Variants in SYN3 observed in about 807,000 individuals in gnomAD.
The protein encoded by SYN3 is synapsin III.
In SYN3, 35 loss-of-function variants were observed where a neutral mutation model predicts 65.8. The observed-to-expected ratio is 0.53, with a 90% CI of 0.41 to 0.70. The LOEUF (loss-of-function observed/expected upper bound fraction) is 0.70. Among genes scored for constraint, SYN3 ranks in the 30% least tolerant of loss-of-function variants. The probability of loss-of-function intolerance (pLI) is 0.00; values close to 1 mark genes in which losing one functional copy is unlikely to be tolerated. For synonymous variants in SYN3, 270 were observed against 292.9 expected (o/e 0.92, Z 0.80); for missense variants, 680 against 749.0 (o/e 0.91, Z 1.08).
chr22:32,856,988 T>C (rs1182368595), intron 6 of SYN3, among the ~76,000 whole-genome samples: 2 of 152,194 alleles, frequency 1.3e-5, no homozygotes, highest in Non-Finnish European at 2.9e-5. Flanking sequence ...AATGACAAGA[T>C]TTCATTCTTT....
intron 7 of SYN3, among the ~76,000 whole-genome samples, chr22:32,550,909 C>G (rs1025325320): frequency 6.6e-6 from 1 of 152,132 alleles, no homozygotes; most frequent in African/African-American, 2.4e-5. Flanking sequence ...CTCAAAAGGG[C>G]TCCCATTAGC....
intron 6 of SYN3, among the ~76,000 whole-genome samples, chr22:32,622,009 C>T (rs986454619): frequency 2.0e-5 from 3 of 151,894 alleles, no homozygotes; most frequent in Non-Finnish European, 4.4e-5. Context: ...CTGGGCACCT[C>T]ATTTCCTCCC....
At chr22:32,872,406 A>G (rs2146365114) in intron 4 of SYN3, among the ~76,000 whole-genome samples, 1 of 152,330 alleles carries the variant, frequency 6.6e-6, no homozygotes, top group African/African-American at 2.4e-5. Context: ...GCCAGGAGAC[A>G]GCAAGTAGCC....
chr22:32,716,005 G>C (rs1238498486), intron 6 of SYN3, among the ~76,000 whole-genome samples: 1 of 152,152 alleles, frequency 6.6e-6, no homozygotes, highest in East Asian at 1.9e-4. Context: ...GTGGCTGTCA[G>C]CTGAGCCTTA....
chr22:32,600,557 G>A (rs1463125012), intron 6 of SYN3, among the ~76,000 whole-genome samples: 1 of 152,224 alleles, frequency 6.6e-6, no homozygotes, highest in Admixed American at 6.5e-5. Flanking sequence ...TGGATGGATA[G>A]AAGGCACAGA....
intron 6 of SYN3, among the ~76,000 whole-genome samples, chr22:32,616,142 A>G (rs2146717048): frequency 6.6e-6 from 1 of 152,350 alleles, no homozygotes; most frequent in Admixed American, 6.5e-5. Context: ...GTTTCCGTGT[A>G]GAAGCCCCCA....
chr22:33,023,980 GC>G (rs2053600124), intron 1 of SYN3, among the ~76,000 whole-genome samples: 1 of 152,090 alleles, frequency 6.6e-6, no homozygotes, highest in Non-Finnish European at 1.5e-5. Flanking sequence ...TAGAACGCTG[GC>G]CTCTCTGGGC....
chr22:32,960,553 G>T (rs2051615846), intron 3 of SYN3, among the ~76,000 whole-genome samples: 1 of 152,190 alleles, frequency 6.6e-6, no homozygotes, highest in African/African-American at 2.4e-5. Context: ...GACTGTGAGT[G>T]TAAGAGCTCC....
intron 3 of SYN3, among the ~76,000 whole-genome samples, chr22:32,937,938 G>C (rs368403730): frequency 6.6e-6 from 1 of 152,264 alleles, no homozygotes; most frequent in South Asian, 2.1e-4. Flanking sequence ...CTCAGTAAGA[G>C]AAGAGGTAGG....
intron 2 of SYN3, among the ~76,000 whole-genome samples, chr22:32,988,346 T>A (rs934056729): frequency 3.7e-5 from 5 of 136,070 alleles, no homozygotes; most frequent in South Asian, 2.3e-4. Context: ...ATAATAATAA[T>A]AAAATAAATA....
chr22:32,544,281 G>A (rs2058304353), intron 7 of SYN3, among the ~76,000 whole-genome samples: 1 of 152,120 alleles, frequency 6.6e-6, no homozygotes, highest in South Asian at 2.1e-4. Context: ...TGACATTTCT[G>A]CTCATTATTT....
At chr22:32,784,799 A>G (rs1419760862) in intron 6 of SYN3, 1 of 152,244 alleles carries the variant, frequency 6.6e-6, no homozygotes, top group Non-Finnish European at 1.5e-5. Flanking sequence ...AGCAGGCATT[A>G]TTTGCACACT....
In SYN3 at chr22:32,837,994, T is replaced by C. The variant is rs2047783727; in HGVS notation, c.711+26921A>G. On this transcript the variant is annotated intron_variant, in intron 6 of 13. Transcript: ENST00000358763. This position sits in a 1 kb window ranked among gnomAD's most constrained non-coding sequence, Gnocchi z 4.1. ...TCTCTAGTGATTCTCTGATCCCAGC[T>C]CAGGCAGGATGTCTCCCTCCGGCGC... Among the ~76,000 whole-genome samples the C allele has an allele frequency of 6.6e-6, 1 of 152,188 alleles. No homozygotes were observed. Among genetic ancestry groups the C allele is most frequent in the South Asian group, 2.1e-4 (1 of 4,830 alleles).
intron 12 of SYN3, among the ~76,000 whole-genome samples, chr22:32,523,647 A>ACTGGTC (rs1167686417): frequency 2.6e-5 from 4 of 152,198 alleles, no homozygotes; most frequent in Non-Finnish European, 4.4e-5. Context: ...CCTAGACACA[A>ACTGGTC]CAATATTGAA....
intron 4 of SYN3, among the ~76,000 whole-genome samples, chr22:32,926,346 C>A (rs1259348755): frequency 6.6e-6 from 1 of 152,212 alleles, no homozygotes. Context: ...ATATATTTAG[C>A]ATTATTCTCC....
chr22:32,833,034 G>A (rs1308407305), intron 6 of SYN3, among the ~76,000 whole-genome samples: 1 of 152,166 alleles, frequency 6.6e-6, no homozygotes, highest in Admixed American at 6.5e-5. Flanking sequence ...CGCCCAGCAA[G>A]ATCTACCTTC....
At chr22:32,569,448 T>TATCTATCTA (rs397793026) in intron 7 of SYN3, among the ~76,000 whole-genome samples, 4 of 145,938 alleles carry the variant, frequency 2.7e-5, no homozygotes, top group African/African-American at 1.1e-4. Context: ...TCTATCTATC[T>TATCTATCTA]TCTCTATCTA....
At chr22:32,926,337 T>C (rs1268213104) in intron 4 of SYN3, among the ~76,000 whole-genome samples, 2 of 152,366 alleles carry the variant, frequency 1.3e-5, no homozygotes, top group African/African-American at 2.4e-5. Flanking sequence ...CATGAAAGTA[T>C]ATATTTAGCA....
chr22:32,744,299 G>A (rs1444230451), intron 6 of SYN3, among the ~76,000 whole-genome samples: 1 of 152,136 alleles, frequency 6.6e-6, no homozygotes, highest in Non-Finnish European at 1.5e-5. Flanking sequence ...ATTATTCTGA[G>A]TCTGAGAGAC....
Sources: allele counts gnomAD v4.1 joint callset (sites outside exome capture counted in the v4.1 genomes callset), GRCh38; gene constraint gnomAD v4.1.1; non-coding constraint Gnocchi (gnomAD v3.1); transcripts MANE v1.5; gene names NCBI Gene and HGNC (gene_info 2026-07-23, HGNC 2026-07-21).